Variants in CNTN5 observed in about 807,000 individuals in gnomAD.
The protein encoded by CNTN5 is contactin 5.
CNTN5 carries 77 observed loss-of-function variants against 129.1 expected under a neutral mutation model. The observed-to-expected ratio is 0.60, with a 90% CI of 0.50 to 0.72. The LOEUF (loss-of-function observed/expected upper bound fraction) is 0.72. Among genes scored for constraint, CNTN5 ranks in the 30% least tolerant of loss-of-function variants. CNTN5 has a pLI of 0.00. For missense variants in CNTN5, 1,478 were observed against 1,328.8 expected (o/e 1.11, Z -1.75); for synonymous variants, 509 against 465.6 (o/e 1.09, Z -1.20).
intron 16 of CNTN5, among the ~76,000 whole-genome samples, chr11:100,233,082 A>C (rs556095314): frequency 1.4e-3 from 210 of 152,298 alleles, no homozygotes; most frequent in Non-Finnish European, 2.1e-3. Context: ...CAAGTAGAAG[A>C]ATAGTGAGTA....
chr11:99,885,537 T>A (rs866095977), intron 6 of CNTN5, among the ~76,000 whole-genome samples: 53 of 152,232 alleles, frequency 3.5e-4, no homozygotes, highest in Middle Eastern at 6.8e-3. Context: ...TTACAACCAA[T>A]AATTATACCC....
At chr11:99,757,841 C>G (rs1944452517) in intron 3 of CNTN5, among the ~76,000 whole-genome samples, 1 of 151,948 alleles carries the variant, frequency 6.6e-6, no homozygotes, top group Non-Finnish European at 1.5e-5. Context: ...TATGATAAAT[C>G]CCACTTTGTT....
intron 3 of CNTN5, among the ~76,000 whole-genome samples, chr11:99,809,259 T>C (rs569631670): frequency 7.4e-4 from 113 of 152,292 alleles, no homozygotes; most frequent in Middle Eastern, 6.8e-3. Context: ...CTAAAACAAA[T>C]TGTGAGTATA....
rs17132896 is a variant in CNTN5 at position 99,068,392 on chromosome 11, G to A, written c.-210+47122G>A. Among the ~76,000 whole-genome samples the A allele has an allele frequency of 5.6e-3, 847 of 152,234 alleles. 7 individuals are homozygous for A. Among genetic ancestry groups the A allele is most frequent in the Non-Finnish European group, 8.5e-3 (579 of 68,008 alleles). ...CAAGAAAGACATTTTAGATGAAAGC[G>A]GAGTGCACAGGTAGACTAAGATATG... is the stretch of plus-strand genomic sequence containing the variant. On this transcript the variant is annotated intron_variant, in intron 1 of 24. Transcript: ENST00000524871.
At position 100,115,115 on chromosome 11, in the gene CNTN5, TA is replaced by T. The variant is rs11388029; in HGVS notation, c.1580+40845del. Among the ~76,000 whole-genome samples, 448 of 78,378 alleles carry T rather than the reference TA, an allele frequency of 5.7e-3. 1 individual carries two copies. Among genetic ancestry groups the T allele is most frequent in the African/African-American group, 0.019 (373 of 19,570 alleles). The allele number at this position is 78,378 out of a possible 152,430, so 51.4% of individuals were successfully genotyped here. A position where few individuals can be genotyped will look rare whatever the true frequency, so the allele number is the denominator to read the frequency against. Reference sequence around the variant, plus strand: ...TTTCTAGACTGCTATAGGTATACAGTAAAAAAAAAAAAAAAAAAAAAAAAGA... The same window carrying T: ...TTTCTAGACTGCTATAGGTATACAGTAAAAAAAAAAAAAAAAAAAAAAAGA... On this transcript the variant is annotated intron_variant, in intron 13 of 24. Coordinates refer to ENST00000524871, the MANE Select transcript of CNTN5 (RefSeq NM_014361.4).
chr11:99,394,313 T>A (rs1391481262), intron 2 of CNTN5, among the ~76,000 whole-genome samples: 1 of 151,668 alleles, frequency 6.6e-6, no homozygotes, highest in Non-Finnish European at 1.5e-5. Context: ...AAATATAAAA[T>A]GATTTTATTA....
intron 7 of CNTN5, 21 bp from the exon 8 acceptor site, chr11:99,956,785 C>A: frequency 6.2e-7 from 1 of 1,604,568 alleles, no homozygotes; most frequent in Non-Finnish European, 8.5e-7. Flanking sequence ...CTTTCGTTGA[C>A]CAAATTTTGT....
intron 6 of CNTN5, among the ~76,000 whole-genome samples, chr11:99,895,469 CAAAAT>C: frequency 6.6e-6 from 1 of 152,164 alleles, no homozygotes; most frequent in East Asian, 1.9e-4. Context: ...GGAAAGGAAA[CAAAAT>C]AACAAGTGAA....
intron 1 of CNTN5, among the ~76,000 whole-genome samples, chr11:99,051,197 C>T (rs1304438209): frequency 2.6e-5 from 4 of 151,792 alleles, no homozygotes; most frequent in Non-Finnish European, 1.5e-5. Flanking sequence ...TCATATTATC[C>T]TTTCTAATTA....
At chr11:100,109,310 C>T (rs189167705) in intron 13 of CNTN5, among the ~76,000 whole-genome samples, 51 of 152,262 alleles carry the variant, frequency 3.3e-4, no homozygotes, top group African/African-American at 1.2e-3. Context: ...CTTGTAATCC[C>T]AGCTACTCGG....
intron 3 of CNTN5, among the ~76,000 whole-genome samples, chr11:99,577,554 G>A (rs1949396976): frequency 6.6e-6 from 1 of 152,066 alleles, no homozygotes; most frequent in South Asian, 2.1e-4. Flanking sequence ...GCTGTAGGAT[G>A]TCATGATTTT....
intron 3 of CNTN5, among the ~76,000 whole-genome samples, chr11:99,787,692 A>T (rs1230828631): frequency 1.3e-5 from 2 of 152,050 alleles, no homozygotes; most frequent in Non-Finnish European, 2.9e-5. Flanking sequence ...GATATGAGTC[A>T]AGATGACATA....
intron 6 of CNTN5, among the ~76,000 whole-genome samples, chr11:99,905,037 T>C (rs903625460): frequency 8.5e-5 from 13 of 152,236 alleles, no homozygotes; most frequent in African/African-American, 3.1e-4. Flanking sequence ...AGATTCTTGA[T>C]GTTGGCCCTT....
rs115465401 is a variant in CNTN5 at position 100,055,126 on chromosome 11, A to G, written c.981-6086A>G. Among the ~76,000 whole-genome samples the G allele has an allele frequency of 9.2e-3, 1,387 of 150,344 alleles. 23 individuals are homozygous for G. The highest frequency in any genetic ancestry group is 0.033 in the African/African-American group (1,343 of 41,180). ...AGATGAGGTTTCCAGCCTTTGCTAT[A>G]TACCTCATTTGTTTGTAAAATTATA... On this transcript the variant is annotated intron_variant, in intron 9 of 24. Coordinates refer to ENST00000524871, the MANE Select transcript of CNTN5 (RefSeq NM_014361.4).
intron 1 of CNTN5, among the ~76,000 whole-genome samples, chr11:99,288,977 A>AT (rs896117324): frequency 2.6e-5 from 4 of 151,854 alleles, no homozygotes; most frequent in African/African-American, 9.7e-5. Flanking sequence ...CAGAGCTATC[A>AT]TAAAAGAGTA....
chr11:99,678,741 A>C (rs1953411225), intron 3 of CNTN5, among the ~76,000 whole-genome samples: 1 of 152,066 alleles, frequency 6.6e-6, no homozygotes, highest in Non-Finnish European at 1.5e-5. Context: ...GAAAGAGGTA[A>C]ATTAATGCAC....
intron 1 of CNTN5, among the ~76,000 whole-genome samples, chr11:99,252,482 A>G (rs1862161697): frequency 6.6e-6 from 1 of 151,320 alleles, no homozygotes; most frequent in African/African-American, 2.4e-5. Flanking sequence ...CCAAACCCAA[A>G]TGGCTTAGGA....
chr11:99,518,303 C>T (rs1479478482), intron 2 of CNTN5, among the ~76,000 whole-genome samples: 1 of 152,096 alleles, frequency 6.6e-6, no homozygotes, highest in African/African-American at 2.4e-5. Context: ...TTATGAGACA[C>T]CCGTTGGAGG....
intron 18 of CNTN5, among the ~76,000 whole-genome samples, chr11:100,282,538 C>T (rs937222090): frequency 2.0e-5 from 3 of 152,220 alleles, no homozygotes; most frequent in South Asian, 2.1e-4. Flanking sequence ...AGACCTGAAG[C>T]CAGTCCAGCA....
Sources: gnomAD v4.1 joint callset for allele counts (sites outside exome capture counted in the v4.1 genomes callset) on GRCh38, gnomAD v4.1.1 for gene constraint, MANE v1.5 for transcripts, NCBI Gene and HGNC (gene_info 2026-07-23, HGNC 2026-07-21) for gene names.